FNDC7: variants seen among roughly 807,000 people sequenced by gnomAD.
FNDC7 encodes fibronectin type III domain containing 7, also known as fibronectin type III domain-containing protein 7.
A neutral mutation model predicts 74.2 loss-of-function variants in FNDC7; 66 were observed. That is an observed-to-expected ratio of 0.89 (90% CI 0.73 to 1.09). FNDC7 has a LOEUF of 1.09. Among genes scored for constraint, FNDC7 ranks in the 50% least tolerant of loss-of-function variants. FNDC7 has a pLI of 0.00. For synonymous variants in FNDC7, 307 were observed against 330.2 expected (o/e 0.93, Z 0.76); for missense variants, 829 against 893.4 (o/e 0.93, Z 0.92).
intron 6 of FNDC7, 56 bp from the exon 7 acceptor site, chr1:108,727,752 C>T (rs1356353885): frequency 6.3e-7 from 1 of 1,590,778 alleles, no homozygotes; most frequent in Admixed American, 1.7e-5. Context: ...CACAGTGTAC[C>T]CCCAGCTGCA....
chr1:108,733,275 C>A lies in FNDC7; in HGVS notation c.1883C>A (p.Ala628Asp). The stretch of plus-strand genomic sequence containing the variant: ...GTTTGTTATTTTTATTGCCTAGGTG[C>A]CTGCTGCCCTTTGGGGGTGAAATTA... ...DCSYQSYFSG[A>D]CCPLGVKLYR... Residue 628 changes from alanine (A) to aspartate (D), a missense_variant, in exon 10 of 13, where the codon GCC becomes GAC. By Grantham distance (126) the Ala-to-Asp change is moderately radical. Coordinates refer to ENST00000370017, the MANE Select transcript of FNDC7 (RefSeq NM_001144937.3). The A allele has an allele frequency of 6.2e-7, 1 of 1,603,896 alleles. No individual in the cohort carries two copies. The highest frequency in any genetic ancestry group is 8.5e-7 in the Non-Finnish European group (1 of 1,171,448).
In FNDC7 at chr1:108,718,033, T is replaced by G. The variant is rs988922805; in HGVS notation, c.337+2T>G. 6.4e-7 allele frequency: 1 copy of G among 1,550,930 alleles called. No homozygotes were observed. Among genetic ancestry groups the G allele is most frequent in the African/African-American group, 1.4e-5 (1 of 73,046 alleles). On this transcript the variant is annotated splice_donor_variant, in intron 3 of 12. Coordinates refer to ENST00000370017, the MANE Select transcript of FNDC7 (RefSeq NM_001144937.3). LOFTEE classifies it high-confidence loss of function. The stretch of plus-strand genomic sequence containing the variant: ...CACCTCCAAAGCAGGCAAAGACAGG[T>G]GGCTGGATGGATGCTCATCCTCCGT...
At position 108,742,052 on chromosome 1, in the gene FNDC7, A is replaced by G; in HGVS notation, c.*165A>G. The G allele has an allele frequency of 1.8e-6, 1 of 547,802 alleles. No homozygotes were observed. Among genetic ancestry groups the G allele is most frequent in the East Asian group, 3.2e-5 (1 of 31,274 alleles). The allele number at this position is 547,802 out of a possible 1,614,324, so 33.9% of individuals were successfully genotyped here. On this transcript the variant is annotated 3_prime_UTR_variant, in exon 13 of 13. Transcript: ENST00000370017. ...AACTCTGACTCTGCTTCCTGAGGGC[A>G]AGGTCAGGTGTGTCCTCACCTGCAC...
rs1349742449 is a variant in FNDC7 at position 108,717,965 on chromosome 1, AT to A, written c.272del (p.Ile91ThrfsTer29). On this transcript the variant is annotated frameshift_variant, in exon 3 of 13. Transcript: ENST00000370017. LOFTEE classifies it high-confidence loss of function. ...ACTAAAGGCTGCAACCTGGTATGAA[AT>A]CACCATCAGATCCATCAGCGCTGCT... ...TGLKAATWYE[I>X]TIRSISAAGR... 2 of 1,551,640 alleles carry A rather than the reference AT, an allele frequency of 1.3e-6. No individual in the cohort carries two copies. The highest frequency in any genetic ancestry group is 1.7e-6 in the Non-Finnish European group (2 of 1,147,020).
chr1:108,737,615 G>A, intron 11 of FNDC7, 91 bp downstream of exon 11: 1 of 1,020,890 alleles, frequency 9.8e-7, no homozygotes, highest in East Asian at 2.6e-5. Flanking sequence ...CAATTAGAAA[G>A]CAAATGCTTT....
At position 108,728,698 on chromosome 1, in the gene FNDC7, G is replaced by A. The variant is rs1411436218; in HGVS notation, c.1436G>A (p.Arg479Gln). Reference protein sequence around the residue: ...DAFSMINVHWRSTNDDATYTV... With the variant: ...DAFSMINVHWQSTNDDATYTV... ...TTCTCCATGATTAATGTGCACTGGC[G>A]ATCCACTAATGATGATGCTACTTAC... is the stretch of plus-strand genomic sequence containing the variant. Residue 479 changes from arginine (R) to glutamine (Q), a missense_variant, in exon 8 of 13, where the codon CGA becomes CAA. Physicochemically the swap from Arg to Gln is conservative, Grantham distance 43. Coordinates refer to ENST00000370017, the MANE Select transcript of FNDC7 (RefSeq NM_001144937.3). The A allele has an allele frequency of 9.9e-6, 16 of 1,614,206 alleles. No individual in the cohort carries two copies. In the South Asian group the frequency reaches 1.2e-4, roughly 12 times the overall value.
chr1:108,717,478 GTAATTAC>G (rs1660998877), intron 2 of FNDC7, among the ~76,000 whole-genome samples: 2 of 152,146 alleles, frequency 1.3e-5, no homozygotes, highest in Non-Finnish European at 2.9e-5. Context: ...GTTCTTTCCC[GTAATTAC>G]TTCTCATTCT....
rs759564990 is a variant in FNDC7, at chr1:108,730,669, T to C, written c.1625-5T>C. ...TCCAATTCTTTTTCTTTTATCCCATTTAAGTGCCATGCTGTCCAACCGGTC... is the reference window on the plus strand; with the variant it reads ...TCCAATTCTTTTTCTTTTATCCCATCTAAGTGCCATGCTGTCCAACCGGTC... On this transcript the variant is annotated splice_polypyrimidine_tract_variant and splice_region_variant and intron_variant, in intron 8 of 12. Coordinates refer to ENST00000370017, the MANE Select transcript of FNDC7 (RefSeq NM_001144937.3). 6.6e-7 allele frequency: 1 copy of C among 1,519,586 alleles called. No homozygotes were observed. The highest frequency in any genetic ancestry group is 8.8e-7 in the Non-Finnish European group (1 of 1,130,982). 94.1% of individuals were successfully genotyped at this position (1,519,586 alleles called of 1,614,324 possible). A position where few individuals can be genotyped will look rare whatever the true frequency, so the allele number is the denominator to read the frequency against.
Position 108,733,376 on chromosome 1 carries a change from T to C in FNDC7, c.1984T>C (p.Tyr662His). 1 of 1,614,194 alleles carries C rather than the reference T, an allele frequency of 6.2e-7. No individual in the cohort carries two copies. The change falls in exon 10 of 13, where the codon TAT (tyrosine) becomes CAT (histidine). Residue 662 changes from tyrosine (Y) to histidine (H), a missense_variant. Transcript: ENST00000370017. ...RGSANYSTDL[Y>H]GSKGIFTCTP... ...CTCTGCCAATTACAGCACTGACCTC[T>C]ATGGCTCCAAAGGCATTTTCACGTG...
chr1:108,715,136 G>A (rs368572805), intron 2 of FNDC7, among the ~76,000 whole-genome samples: 1 of 152,162 alleles, frequency 6.6e-6, no homozygotes, highest in African/African-American at 2.4e-5. Flanking sequence ...ACACTGTATA[G>A]AAGGTTTCAT....
intron 4 of FNDC7, among the ~76,000 whole-genome samples, chr1:108,722,091 A>T (rs994545072): frequency 6.6e-6 from 1 of 152,194 alleles, no homozygotes; most frequent in African/African-American, 2.4e-5. Context: ...TATAAGAAAA[A>T]AATAAATAAC....
intron 10 of FNDC7, among the ~76,000 whole-genome samples, chr1:108,734,947 G>A (rs1356881999): frequency 6.6e-6 from 1 of 152,108 alleles, no homozygotes; most frequent in Non-Finnish European, 1.5e-5. Context: ...GAAGCTCAGA[G>A]GCTCCCAAAT....
intron 3 of FNDC7, among the ~76,000 whole-genome samples, chr1:108,718,414 G>A (rs1337191986): frequency 6.6e-6 from 1 of 152,154 alleles, no homozygotes; most frequent in Non-Finnish European, 1.5e-5. Flanking sequence ...TTTGTCATCA[G>A]CATTACTGAA....
Position 108,719,198 on chromosome 1 carries a change from C to T in FNDC7, c.598+149C>T, listed in dbSNP as rs760981445. 7 of 876,326 alleles carry T rather than the reference C, an allele frequency of 8.0e-6. No individual in the cohort carries two copies. The East Asian group carries it at 1.6e-4, about 20-fold the overall frequency. The allele number at this position is 876,326 out of a possible 1,614,324, so 54.3% of individuals were successfully genotyped here. On this transcript the variant is annotated intron_variant, in intron 4 of 12. Coordinates refer to ENST00000370017, the MANE Select transcript of FNDC7 (RefSeq NM_001144937.3). ...ATTTATTATAAAGTTATTTATAGTG[C>T]CTTGTCTATTCCTCCTCGGTAGTTT...
In FNDC7 at chr1:108,718,976, C is replaced by G. The variant is rs772581165; in HGVS notation, c.525C>G (p.Leu175=). The change falls in exon 4 of 13, where the codon CTC becomes CTG. Residue 175 remains leucine (L), a synonymous_variant. Coordinates refer to ENST00000370017, the MANE Select transcript of FNDC7 (RefSeq NM_001144937.3). ...TCACCAGTTTAGAAGCCGGAACTCTCTACACCATAAAGGCCTATGCATGGA... is the reference window on the plus strand; with the variant it reads ...TCACCAGTTTAGAAGCCGGAACTCTGTACACCATAAAGGCCTATGCATGGA... ...LTFTSLEAGT[L]YTIKAYAWNA... is the part of the protein sequence containing the mutation. 3.2e-6 allele frequency: 5 copies of G among 1,552,030 alleles called. No homozygotes were observed. The highest frequency in any genetic ancestry group is 2.6e-6 in the Non-Finnish European group (3 of 1,147,048).
chr1:108,726,115 C>A, intron 6 of FNDC7, 111 bp downstream of exon 6: 1 of 1,345,242 alleles, frequency 7.4e-7, no homozygotes, highest in Non-Finnish European at 1.0e-6. Context: ...ATTCTAGAGC[C>A]AAGAACAGAA....
chr1:108,722,281 C>A, intron 4 of FNDC7, 54 bp from the exon 5 acceptor site: 1 of 1,473,724 alleles, frequency 6.8e-7, no homozygotes, highest in Admixed American at 2.5e-5. Context: ...TATGCCAACT[C>A]TTACGTAGTT....
In FNDC7 at chr1:108,718,974, CT is replaced by C. The variant is rs761182758; in HGVS notation, c.524del (p.Leu175ProfsTer4). The C allele has an allele frequency of 4.3e-5, 67 of 1,552,016 alleles. No homozygotes were observed. The highest frequency in any genetic ancestry group is 5.2e-5 in the Non-Finnish European group (60 of 1,147,058). On this transcript the variant is annotated frameshift_variant, in exon 4 of 13. Coordinates refer to ENST00000370017, the MANE Select transcript of FNDC7 (RefSeq NM_001144937.3). LOFTEE classifies it high-confidence loss of function. ...LTFTSLEAGT[L>X]YTIKAYAWNA... is the part of the protein sequence containing the mutation. ...ATTCACCAGTTTAGAAGCCGGAACT[CT>C]CTACACCATAAAGGCCTATGCATGG...
rs114307220 is a variant in FNDC7 at position 108,727,352 on chromosome 1, C to A, written c.1112-456C>A. ...TGAAAAAACAAAACAACAACAACAA[C>A]AAAAAAACTACTTATATAACTGTGA... is the stretch of plus-strand genomic sequence containing the variant. On this transcript the variant is annotated intron_variant, in intron 6 of 12. Coordinates refer to ENST00000370017, the MANE Select transcript of FNDC7 (RefSeq NM_001144937.3). Among the ~76,000 whole-genome samples, 840 of 152,030 alleles carry A rather than the reference C, an allele frequency of 5.5e-3. 10 individuals are homozygous for A. Among genetic ancestry groups the A allele is most frequent in the African/African-American group, 0.018 (732 of 41,478 alleles).
Sources: allele counts gnomAD v4.1 joint callset (sites outside exome capture counted in the v4.1 genomes callset), GRCh38; gene constraint gnomAD v4.1.1; transcripts MANE v1.5; gene names NCBI Gene and HGNC (gene_info 2026-07-23, HGNC 2026-07-21).